BAIAP2: variants seen among roughly 807,000 people sequenced by gnomAD.
BAIAP2 encodes the protein BAR/IMD domain containing adaptor protein 2.
Under a neutral mutation model 63.0 loss-of-function variants are expected in BAIAP2, and 18 were observed. That is an observed-to-expected ratio of 0.29 (90% CI 0.20 to 0.42). BAIAP2 has a LOEUF of 0.42. Ranked by LOEUF, BAIAP2 falls within the 10% of genes least tolerant of loss-of-function variation. The pLI, the probability that BAIAP2 is intolerant of heterozygous loss-of-function variation, is 1.00. For missense variants in BAIAP2, 610 were observed against 734.3 expected (o/e 0.83, Z 1.96); for synonymous variants, 386 against 307.6 (o/e 1.25, Z -2.67).
chr17:81,041,707 T>C (rs534509565), intron 1 of BAIAP2, among the ~76,000 whole-genome samples: 1 of 152,236 alleles, frequency 6.6e-6, no homozygotes, highest in Admixed American at 6.5e-5. Context: ...CCCAAGTAGC[T>C]GGGATTACAG....
At chr17:81,095,750 T>C (rs1403499349) in intron 6 of BAIAP2, among the ~76,000 whole-genome samples, 5 of 152,168 alleles carry the variant, frequency 3.3e-5, no homozygotes, top group Admixed American at 1.3e-4. Context: ...CCGTACTTTC[T>C]GTCTCTCCCC....
At chr17:81,049,248 C>T (rs1400965748) in intron 1 of BAIAP2, among the ~76,000 whole-genome samples, 2 of 152,274 alleles carry the variant, frequency 1.3e-5, no homozygotes, top group African/African-American at 2.4e-5. Context: ...GGTCACAGAA[C>T]GTGGGCCCCT....
intron 10 of BAIAP2, 111 bp downstream of exon 10, chr17:81,104,826 G>A (rs569048855): frequency 8.5e-7 from 1 of 1,175,114 alleles, no homozygotes; most frequent in African/African-American, 1.5e-5. Flanking sequence ...TGTGCAGGTT[G>A]CGGGTCCTCG....
At chr17:81,053,772 G>A in intron 2 of BAIAP2, 29 bp downstream of exon 2, 1 of 1,607,516 alleles carries the variant, frequency 6.2e-7, no homozygotes, top group Non-Finnish European at 8.5e-7. Context: ...CCCGTGGGGT[G>A]GGAGCTGCCT....
chr17:81,089,620 C>CAGG (rs1167033663), intron 6 of BAIAP2, among the ~76,000 whole-genome samples: 4 of 151,888 alleles, frequency 2.6e-5, no homozygotes, highest in African/African-American at 9.7e-5. Context: ...CCCTCGTCCG[C>CAGG]AGGAGGGCAG....
chr17:81,086,896 A>C (rs1009486778), intron 6 of BAIAP2: 16 of 272,282 alleles, frequency 5.9e-5, no homozygotes, highest in African/African-American at 3.5e-4. Flanking sequence ...GTCCGGTCCC[A>C]GTTTGTTCCT....
Position 81,086,460 on chromosome 17 carries a change from C to T in BAIAP2, c.369C>T (p.Tyr123=). 1 of 1,614,016 alleles carries T rather than the reference C, an allele frequency of 6.2e-7. No individual in the cohort carries two copies. Among genetic ancestry groups the T allele is most frequent in the Non-Finnish European group, 8.5e-7 (1 of 1,179,970 alleles). Residue 123 remains tyrosine, a synonymous_variant, in exon 6 of 14, where the codon TAC becomes TAT. Coordinates refer to ENST00000428708, the MANE Select transcript of BAIAP2 (RefSeq NM_001144888.2). ...AATCTCAGGCTGCGCTGAAGAAATA[C>T]CAGACTGAGCAAAGGAGCAAAGGCG... ...SRYLSAALKK[Y]QTEQRSKGDA... is the part of the protein sequence containing the mutation.
chr17:81,104,875 G>A (rs2058935930), intron 10 of BAIAP2, among the ~76,000 whole-genome samples, 160 bp downstream of exon 10: 1 of 152,124 alleles, frequency 6.6e-6, no homozygotes, highest in Non-Finnish European at 1.5e-5. Context: ...GCGTGACCTG[G>A]GGTCTTCGCC....
chr17:81,050,331 G>A (rs548528997), intron 1 of BAIAP2, among the ~76,000 whole-genome samples: 4 of 152,348 alleles, frequency 2.6e-5, no homozygotes, highest in East Asian at 3.9e-4. Flanking sequence ...AGGCAGGGCC[G>A]TGCCCAGGTG....
Position 81,042,950 on chromosome 17 carries a change from C to T in BAIAP2, c.54+7642C>T, listed in dbSNP as rs181795213. Among the ~76,000 whole-genome samples the T allele has an allele frequency of 6.3e-3, 956 of 152,194 alleles. 3 individuals are homozygous for T. Among genetic ancestry groups the T allele is most frequent in the African/African-American group, 0.022 (898 of 41,510 alleles). ...CCAGGCTGGAGTGCAGTGGTGTGAC[C>T]TTGGCTTACTGCAGCCTCTGCCTCC... On this transcript the variant is annotated intron_variant, in intron 1 of 13. Coordinates refer to ENST00000428708, the MANE Select transcript of BAIAP2 (RefSeq NM_001144888.2).
At chr17:81,095,074 G>A (rs970799950) in intron 6 of BAIAP2, among the ~76,000 whole-genome samples, 2 of 152,232 alleles carry the variant, frequency 1.3e-5, no homozygotes, top group African/African-American at 4.8e-5. Flanking sequence ...TTCAGCCCAG[G>A]GTGACTAAGT....
At position 81,046,387 on chromosome 17, in the gene BAIAP2, T is replaced by A. The variant is rs1418447712; in HGVS notation, c.55-7281T>A. ...AGCTGTGCTCCTGGAGTTGGTTTTC[T>A]TCCTTCAGGAAGGATCCTCCAGGAC... On this transcript the variant is annotated intron_variant, in intron 1 of 13. Transcript: ENST00000428708. The surrounding 1 kb of genome is among the most constrained non-coding windows in gnomAD (Gnocchi z 4.5). Among the ~76,000 whole-genome samples the A allele has an allele frequency of 6.6e-6, 1 of 152,146 alleles. No individual in the cohort carries two copies. The highest frequency in any genetic ancestry group is 1.9e-4 in the East Asian group (1 of 5,192).
At chr17:81,036,297 T>G (rs904820338) in intron 1 of BAIAP2, among the ~76,000 whole-genome samples, 1 of 152,218 alleles carries the variant, frequency 6.6e-6, no homozygotes, top group African/African-American at 2.4e-5. Flanking sequence ...TGTGCTTTGT[T>G]TCAAAACTGT....
At chr17:81,070,684 C>T (rs542452763) in intron 3 of BAIAP2, among the ~76,000 whole-genome samples, 1 of 152,316 alleles carries the variant, frequency 6.6e-6, no homozygotes, top group Admixed American at 6.5e-5. Flanking sequence ...CCCCGCAGAG[C>T]CTCATCTCCA....
Position 81,116,357 on chromosome 17 carries a change from G to A in BAIAP2, c.*518G>A, listed in dbSNP as rs2060534699. On this transcript the variant is annotated 3_prime_UTR_variant, in exon 14 of 14. Transcript: ENST00000428708. ...CAGGTCCGGCAGCTACACCTGGAGTGTGGGGCCTGGTCCCTCCCCATGCCC... is the reference window on the plus strand; with the variant it reads ...CAGGTCCGGCAGCTACACCTGGAGTATGGGGCCTGGTCCCTCCCCATGCCC... The A allele has an allele frequency of 3.1e-6, 5 of 1,604,850 alleles. No individual in the cohort carries two copies. The highest frequency in any genetic ancestry group is 3.4e-5 in the Admixed American group (2 of 59,384).
At chr17:81,075,164 C>T (rs2053446285) in intron 3 of BAIAP2, among the ~76,000 whole-genome samples, 1 of 152,234 alleles carries the variant, frequency 6.6e-6, no homozygotes, top group Non-Finnish European at 1.5e-5. Context: ...CGGCTGTGCC[C>T]ACATTTGGCA....
At chr17:81,069,544 T>C (rs1403458839) in intron 3 of BAIAP2, among the ~76,000 whole-genome samples, 2 of 152,186 alleles carry the variant, frequency 1.3e-5, no homozygotes, top group Non-Finnish European at 2.9e-5. Flanking sequence ...CAGGGCTGGC[T>C]TCAAGGACGC....
At chr17:81,096,973 AAGG>A (rs2057732737) in intron 6 of BAIAP2, among the ~76,000 whole-genome samples, 2 of 152,004 alleles carry the variant, frequency 1.3e-5, no homozygotes, top group African/African-American at 2.4e-5. Context: ...AAGAAGGAGA[AAGG>A]AGAGGAGGAG....
chr17:81,041,260 G>C (rs778616654), intron 1 of BAIAP2, among the ~76,000 whole-genome samples: 20 of 152,336 alleles, frequency 1.3e-4, no homozygotes, highest in Middle Eastern at 6.8e-3. Flanking sequence ...CTGGGCAGTG[G>C]GTACAGCGGG....
Sources: allele counts gnomAD v4.1 joint callset (sites outside exome capture counted in the v4.1 genomes callset), GRCh38; gene constraint gnomAD v4.1.1; non-coding constraint Gnocchi (gnomAD v3.1); transcripts MANE v1.5; gene names NCBI Gene and HGNC (gene_info 2026-07-23, HGNC 2026-07-21).